BIRC6: variants seen among roughly 807,000 people sequenced by gnomAD.
BIRC6 encodes the protein baculoviral IAP repeat containing 6, also known as dual E2 ubiquitin-conjugating enzyme/E3 ubiquitin-protein ligase BIRC6.
Under a neutral mutation model 503.3 loss-of-function variants are expected in BIRC6, and 98 were observed. The observed-to-expected ratio is 0.19, with a 90% confidence interval of 0.17 to 0.23. The LOEUF is 0.23. Ranked by LOEUF, BIRC6 falls within the 10% of genes least tolerant of loss-of-function variation. The probability of loss-of-function intolerance (pLI) is 1.00; values close to 1 mark genes in which losing one functional copy is unlikely to be tolerated. For synonymous variants in BIRC6, 2,240 were observed against 2,078.7 expected, an observed-to-expected ratio of 1.08 and a Z score of -2.11; for missense variants, 5,360 against 5,806.0, an observed-to-expected ratio of 0.92 and a Z score of 2.50.
chr2:32,414,575 T>G (rs2042224537), intron 9 of BIRC6, among the ~76,000 whole-genome samples, 194 bp from the exon 10 acceptor site: 1 of 151,936 alleles, frequency 6.6e-6, no homozygotes, highest in African/African-American at 2.4e-5. Context: ...GCTGAGGCAC[T>G]AGAATCACTT....
At chr2:32,575,118 ATTTGCTCATT>A in intron 65 of BIRC6, 28 bp from the exon 66 acceptor site, 4 of 1,598,136 alleles carry the variant, frequency 2.5e-6, no homozygotes, top group Non-Finnish European at 3.4e-6. Context: ...TATATTGTAC[ATTTGCTCATT>A]TTGTGCTTTT....
At position 32,357,511 on chromosome 2, in the gene BIRC6, G is replaced by C; in HGVS notation, c.325+25G>C. 6.5e-7 allele frequency: 1 copy of C among 1,535,592 alleles called. No homozygotes were observed. Among genetic ancestry groups the C allele is most frequent in the Non-Finnish European group, 8.8e-7 (1 of 1,141,892 alleles). ...GGTGAGTCTTCCGCACGCCGGGCGGGCGCGAAGCCGGGGAAAGAAGCCGTC... is the reference window on the plus strand; with the variant it reads ...GGTGAGTCTTCCGCACGCCGGGCGGCCGCGAAGCCGGGGAAAGAAGCCGTC... On this transcript the variant is annotated intron_variant, in intron 1 of 73. Transcript: ENST00000421745. This position sits in a 1 kb window ranked among gnomAD's most constrained non-coding sequence, Gnocchi z 4.9.
intron 10 of BIRC6, among the ~76,000 whole-genome samples, chr2:32,424,229 A>G (rs949710459): frequency 6.6e-6 from 1 of 151,274 alleles, no homozygotes; most frequent in Non-Finnish European, 1.5e-5. Flanking sequence ...AATTTATCAT[A>G]TGTGTGTGTG....
intron 56 of BIRC6, 49 bp from the exon 57 acceptor site, chr2:32,518,768 T>A (rs1204162703): frequency 6.4e-7 from 1 of 1,572,008 alleles, no homozygotes; most frequent in East Asian, 2.2e-5. Flanking sequence ...TATAACAATA[T>A]GTATTCCAAA....
intron 3 of BIRC6, among the ~76,000 whole-genome samples, chr2:32,380,832 A>G (rs2037531363): frequency 6.6e-6 from 1 of 152,166 alleles, no homozygotes; most frequent in Non-Finnish European, 1.5e-5. Context: ...GCTTCCTTAA[A>G]TCTTTCTTAG....
chr2:32,473,734 TGTGTGTGTGTGTGTGTA>T (rs1302964381), intron 33 of BIRC6, among the ~76,000 whole-genome samples: 1 of 141,374 alleles, frequency 7.1e-6, no homozygotes, highest in African/African-American at 2.7e-5. Context: ...TGTGTGTGTG[TGTGTGTGTGTGTGTGTA>T]TTTTTTTTTT....
rs2039305588 is a variant in BIRC6 at position 32,392,152 on chromosome 2, T to TA, written c.951+9dup. The TA allele has an allele frequency of 6.5e-7, 1 of 1,548,940 alleles. No individual in the cohort carries two copies. Among genetic ancestry groups the TA allele is most frequent in the Middle Eastern group, 1.7e-4 (1 of 5,962 alleles). On this transcript the variant is annotated splice_region_variant and intron_variant, in intron 5 of 73. Transcript: ENST00000421745. ...GCTCAAGCTGGATTTTATCATCAGG[T>TA]AAAAAAAGAATATAAAAAAATACTT...
intron 57 of BIRC6, chr2:32,519,359 C>T (rs1030985371): frequency 2.3e-5 from 4 of 173,016 alleles, no homozygotes; most frequent in Non-Finnish European, 3.7e-5. Context: ...ATTGACTGGT[C>T]ACCTCATTGT....
At chr2:32,472,982 T>C in intron 32 of BIRC6, 130 bp from the exon 33 acceptor site, 1 of 712,370 alleles carries the variant, frequency 1.4e-6, no homozygotes. Context: ...TTCTTTACAA[T>C]GTTTTTCTTA....
rs151018053 is a variant in BIRC6, at chr2:32,617,828, G to A, written c.14498G>A (p.Gly4833Asp). 8.0e-4 allele frequency: 1,286 copies of A among 1,613,988 alleles called. 6 individuals carry two copies. Among genetic ancestry groups the A allele is most frequent in the Middle Eastern group, 4.9e-3 (30 of 6,062 alleles). ...DAPEVCRATT[G>D]AEETLMHDQV... The stretch of plus-strand genomic sequence containing the variant: ...CCAGAGGTGTGCAGAGCCACAACAG[G>A]TGCTGAGGAGACTCTAATGCATGAT... Residue 4833 changes from glycine (G) to aspartate (D), a missense_variant, in exon 74 of 74, where the codon GGT becomes GAT. Gly to Asp is a moderately conservative substitution (Grantham distance 94). Coordinates refer to ENST00000421745, the MANE Select transcript of BIRC6 (RefSeq NM_016252.4).
chr2:32,611,785 A>G (rs1296594343), intron 73 of BIRC6, among the ~76,000 whole-genome samples: 1 of 152,216 alleles, frequency 6.6e-6, no homozygotes, highest in Admixed American at 6.5e-5. Context: ...TTCCTAAAAT[A>G]AAAAGTGGGT....
At chr2:32,465,725 C>A (rs1316928097) in intron 26 of BIRC6, among the ~76,000 whole-genome samples, 1 of 152,180 alleles carries the variant, frequency 6.6e-6, no homozygotes, top group Non-Finnish European at 1.5e-5. Context: ...TTAACTACCA[C>A]CAACATTTTT....
intron 54 of BIRC6, 98 bp downstream of exon 54, chr2:32,513,252 CATA>C (rs1485769504): frequency 9.6e-6 from 8 of 831,810 alleles, no homozygotes; most frequent in East Asian, 2.6e-5. Flanking sequence ...TTAGGAGAAA[CATA>C]ATATTTTGAA....
intron 65 of BIRC6, among the ~76,000 whole-genome samples, chr2:32,573,357 C>T (rs1324000858): frequency 6.6e-6 from 1 of 152,104 alleles, no homozygotes; most frequent in Non-Finnish European, 1.5e-5. Context: ...GCCGCCATGC[C>T]TAGCTAATTT....
intron 1 of BIRC6, among the ~76,000 whole-genome samples, chr2:32,364,908 T>C (rs565999345): frequency 9.2e-5 from 14 of 152,282 alleles, no homozygotes; most frequent in African/African-American, 2.4e-4. Flanking sequence ...TGATGGAAAC[T>C]GTAAATGATT....
At chr2:32,428,579 G>A (rs1360887288) in intron 10 of BIRC6, among the ~76,000 whole-genome samples, 1 of 152,140 alleles carries the variant, frequency 6.6e-6, no homozygotes, top group African/African-American at 2.4e-5. Flanking sequence ...TGCTGGAAGT[G>A]AATCTCCAAA....
intron 66 of BIRC6, among the ~76,000 whole-genome samples, chr2:32,591,752 CT>C (rs1316348942): frequency 6.6e-6 from 1 of 152,146 alleles, no homozygotes; most frequent in Admixed American, 6.5e-5. Context: ...TAACTGCTTT[CT>C]GAAACAAGTT....
intron 13 of BIRC6, among the ~76,000 whole-genome samples, chr2:32,435,248 T>C (rs1250612212): frequency 6.6e-6 from 1 of 152,206 alleles, no homozygotes; most frequent in African/African-American, 2.4e-5. Context: ...TGCCAGCAGA[T>C]TGTTTCTTTA....
At chr2:32,477,225 A>G (rs942970712) in intron 34 of BIRC6, 143 bp from the exon 35 acceptor site, 13 of 678,680 alleles carry the variant, frequency 1.9e-5, no homozygotes, top group Non-Finnish European at 2.9e-5. Flanking sequence ...TAATATTCTT[A>G]CTTTTGAAAC....
Sources: allele counts gnomAD v4.1 joint callset (sites outside exome capture counted in the v4.1 genomes callset), GRCh38; gene constraint gnomAD v4.1.1; non-coding constraint Gnocchi (gnomAD v3.1); transcripts MANE v1.5; gene names NCBI Gene and HGNC (gene_info 2026-07-23, HGNC 2026-07-21).